SPOCK3: variants seen among roughly 807,000 people sequenced by gnomAD.
SPOCK3 encodes the protein SPARC (osteonectin), cwcv and kazal like domains proteoglycan 3, also known as testican-3.
Under a neutral mutation model 56.6 loss-of-function variants are expected in SPOCK3, and 30 were observed. The observed-to-expected ratio is 0.53, with a 90% CI of 0.40 to 0.72. The LOEUF is 0.72. Ranked by LOEUF, SPOCK3 falls within the 30% of genes least tolerant of loss-of-function variation. The pLI is 0.00. For missense variants in SPOCK3, 527 were observed against 530.0 expected (o/e 0.99, Z 0.06); for synonymous variants, 196 against 183.3 (o/e 1.07, Z -0.56).
chr4:167,162,884 A>G (rs1765439050), intron 2 of SPOCK3, among the ~76,000 whole-genome samples: 1 of 152,018 alleles, frequency 6.6e-6, no homozygotes, highest in South Asian at 2.1e-4. Context: ...TAGTGGAAAA[A>G]TTAAACTTTG....
chr4:167,116,598 A>ATATAGTATATACGTATATATATACG (rs1554038914), intron 2 of SPOCK3, among the ~76,000 whole-genome samples: 2 of 89,826 alleles, frequency 2.2e-5, no homozygotes, highest in African/African-American at 5.0e-5. Flanking sequence ...ATATATATAC[A>ATATAGTATATACGTATATATATACG]TATATACTAT....
chr4:167,112,722 A>G (rs990587732), intron 2 of SPOCK3, among the ~76,000 whole-genome samples: 2 of 152,140 alleles, frequency 1.3e-5, no homozygotes, highest in Non-Finnish European at 2.9e-5. Flanking sequence ...GTTTGGAAGA[A>G]GCCTCACAAA....
At chr4:166,987,290 A>AT (rs1747273609) in intron 4 of SPOCK3, among the ~76,000 whole-genome samples, 1 of 152,098 alleles carries the variant, frequency 6.6e-6, no homozygotes, top group African/African-American at 2.4e-5. Flanking sequence ...CTCTTGCCTG[A>AT]TATCTGAAAA....
intron 6 of SPOCK3, among the ~76,000 whole-genome samples, chr4:166,857,124 T>C (rs1730769592): frequency 6.6e-6 from 1 of 152,172 alleles, no homozygotes; most frequent in East Asian, 1.9e-4. Flanking sequence ...GTAAATGATA[T>C]CATATTTACA....
At chr4:166,800,267 A>C (rs1486934075) in intron 6 of SPOCK3, among the ~76,000 whole-genome samples, 1 of 151,650 alleles carries the variant, frequency 6.6e-6, no homozygotes, top group East Asian at 1.9e-4. Context: ...TTCATGGTGC[A>C]TTATCTGATT....
chr4:167,168,871 C>T (rs750586239), intron 2 of SPOCK3, among the ~76,000 whole-genome samples: 3 of 152,102 alleles, frequency 2.0e-5, no homozygotes, highest in Non-Finnish European at 4.4e-5. Context: ...AGGCACACAG[C>T]CCTGCTTCTA....
Position 166,765,915 on chromosome 4 carries a change from T to G in SPOCK3, c.710-11186A>C, listed in dbSNP as rs535910225. ...AGAGGTCCTTCACATCCCTTTTAAG[T>G]TGGATTCCTAGGTATTTTATTCTCT... On this transcript the variant is annotated intron_variant, in intron 7 of 10. Transcript: ENST00000357545. 6.6e-5 allele frequency among the ~76,000 whole-genome samples: 10 copies of G among 152,288 alleles called. No homozygotes were observed. The South Asian group carries it at 2.1e-3, about 32-fold the overall frequency.
chr4:166,888,651 A>T (rs1277928050), intron 6 of SPOCK3, among the ~76,000 whole-genome samples: 1 of 152,074 alleles, frequency 6.6e-6, no homozygotes, highest in Non-Finnish European at 1.5e-5. Context: ...AAAAAAGTTT[A>T]ACTTATAAAA....
chr4:167,134,041 T>C (rs971809591), intron 2 of SPOCK3, among the ~76,000 whole-genome samples: 4 of 145,346 alleles, frequency 2.8e-5, no homozygotes, highest in African/African-American at 1.0e-4. Context: ...TTTTTTTTTT[T>C]TTTTTGAGAC....
chr4:166,803,684 G>A (rs1477906677), intron 6 of SPOCK3, among the ~76,000 whole-genome samples: 3 of 152,086 alleles, frequency 2.0e-5, no homozygotes, highest in African/African-American at 7.2e-5. Flanking sequence ...TATATTTGTG[G>A]CTTCAAATAT....
chr4:166,865,965 G>A (rs4859998), intron 6 of SPOCK3, among the ~76,000 whole-genome samples: 131,463 of 152,148 alleles, frequency 0.86, 56,972 homozygotes, highest in African/African-American at 0.92. Flanking sequence ...AAGACCCCTT[G>A]TAGCCAAGAC....
intron 2 of SPOCK3, among the ~76,000 whole-genome samples, chr4:167,194,359 T>C (rs545362392): frequency 6.6e-6 from 1 of 152,326 alleles, no homozygotes; most frequent in East Asian, 1.9e-4. Context: ...CTCTTGCATC[T>C]CATTGAGATG....
At chr4:167,208,934 A>G (rs1247593889) in intron 2 of SPOCK3, among the ~76,000 whole-genome samples, 3 of 152,182 alleles carry the variant, frequency 2.0e-5, no homozygotes, top group Non-Finnish European at 4.4e-5. Flanking sequence ...TTCAAAAATT[A>G]CATATGCTAG....
chr4:167,178,415 G>A (rs1188002230), intron 2 of SPOCK3, among the ~76,000 whole-genome samples: 3 of 152,054 alleles, frequency 2.0e-5, no homozygotes, highest in Non-Finnish European at 2.9e-5. Context: ...AGCCTCCTAA[G>A]TGAAAATCAC....
At chr4:167,029,510 A>G (rs572094361) in intron 3 of SPOCK3, among the ~76,000 whole-genome samples, 31 of 152,164 alleles carry the variant, frequency 2.0e-4, no homozygotes, top group African/African-American at 7.0e-4. Flanking sequence ...GTCTGTAATT[A>G]CCATTATTTA....
chr4:167,044,843 T>C (rs978932751), intron 3 of SPOCK3, among the ~76,000 whole-genome samples: 5 of 152,138 alleles, frequency 3.3e-5, no homozygotes, highest in African/African-American at 9.6e-5. Context: ...ATGTGTCCTA[T>C]ATTGGTGAAT....
intron 6 of SPOCK3, among the ~76,000 whole-genome samples, chr4:166,794,839 C>T (rs1189415438): frequency 1.3e-5 from 2 of 151,966 alleles, no homozygotes; most frequent in African/African-American, 4.8e-5. Flanking sequence ...GACGGGGTTT[C>T]ACCATGTTAG....
intron 3 of SPOCK3, chr4:167,011,283 C>T (rs896038360): frequency 8.8e-6 from 4 of 455,882 alleles, no homozygotes; most frequent in Non-Finnish European, 1.8e-5. Flanking sequence ...CAAAAATCCC[C>T]AAATCGTGGA....
chr4:166,782,725 T>G (rs1007972473), intron 7 of SPOCK3, among the ~76,000 whole-genome samples: 54 of 152,168 alleles, frequency 3.5e-4, no homozygotes, highest in African/African-American at 1.2e-3. Flanking sequence ...AAATATATTA[T>G]TTTTAATTCA....
Sources: gnomAD v4.1 joint callset for allele counts (sites outside exome capture counted in the v4.1 genomes callset) on GRCh38, gnomAD v4.1.1 for gene constraint, MANE v1.5 for transcripts, NCBI Gene and HGNC (gene_info 2026-07-23, HGNC 2026-07-21) for gene names.